TMEM63C: variants seen among roughly 807,000 people sequenced by gnomAD.
The protein encoded by TMEM63C is transmembrane protein 63C.
TMEM63C carries 32 observed loss-of-function variants against 99.2 expected under a neutral mutation model. That is an observed-to-expected ratio of 0.32 (90% confidence interval 0.24 to 0.43). TMEM63C has a LOEUF of 0.43. TMEM63C is among the 20% of genes least tolerant of loss of function. The pLI is 1.00. For missense variants in TMEM63C, 826 were observed against 1,053.0 expected (o/e 0.78, Z 2.98); for synonymous variants, 376 against 397.9 (o/e 0.94, Z 0.66).
rs138250979 is a variant in TMEM63C, at chr14:77,251,746, G to A, written c.2039-43G>A. On this transcript the variant is annotated intron_variant, in intron 21 of 23. Transcript: ENST00000298351. Reference sequence around the variant, plus strand: ...CATCTGCCAGTTGGGGTGGCATCTCGGCTGGCAGACTCCTGCCCATGACTT... The same window carrying A: ...CATCTGCCAGTTGGGGTGGCATCTCAGCTGGCAGACTCCTGCCCATGACTT... 5,058 of 1,541,440 alleles carry A rather than the reference G, an allele frequency of 3.3e-3. 13 individuals are homozygous for A. Among genetic ancestry groups the A allele is most frequent in the Non-Finnish European group, 4.1e-3 (4,605 of 1,114,114 alleles).
intron 1 of TMEM63C, among the ~76,000 whole-genome samples, chr14:77,188,277 T>C (rs1888037527): frequency 6.6e-6 from 1 of 152,224 alleles, no homozygotes; most frequent in African/African-American, 2.4e-5. Context: ...TCCTTTCACT[T>C]TTCAAGTGTT....
At position 77,242,973 on chromosome 14, in the gene TMEM63C, C is replaced by T; in HGVS notation, c.1258C>T (p.Leu420Phe). ...FIAINTFLFF[L>F]FFFLTTPAII... ...CGCAATCAACACCTTCCTCTTCTTC[C>T]TCTTCTTCTTTCTCACCACGCCTGC... The change falls in exon 15 of 24, where the codon CTC becomes TTC. Residue 420 changes from leucine (L) to phenylalanine (F), a missense_variant. Physicochemically the swap from Leu to Phe is conservative, Grantham distance 22 (BLOSUM62 0). Coordinates refer to ENST00000298351, the MANE Select transcript of TMEM63C (RefSeq NM_020431.4). The T allele has an allele frequency of 6.2e-7, 1 of 1,614,048 alleles. No individual in the cohort carries two copies. Among genetic ancestry groups the T allele is most frequent in the South Asian group, 1.1e-5 (1 of 91,086 alleles).
chr14:77,199,048 G>A (rs949839381), intron 1 of TMEM63C, among the ~76,000 whole-genome samples: 13 of 152,200 alleles, frequency 8.5e-5, no homozygotes, highest in African/African-American at 3.1e-4. Flanking sequence ...GATGATGTAT[G>A]TTAGAAGGAG....
chr14:77,183,058 C>T (rs1171151519), intron 1 of TMEM63C, among the ~76,000 whole-genome samples: 1 of 152,180 alleles, frequency 6.6e-6, no homozygotes, highest in Non-Finnish European at 1.5e-5. Context: ...AGTGAACTTT[C>T]CCCTTAGAAG....
intron 18 of TMEM63C, among the ~76,000 whole-genome samples, chr14:77,247,778 A>G (rs760295598): frequency 1.3e-5 from 2 of 150,540 alleles, no homozygotes; most frequent in Non-Finnish European, 3.0e-5. Flanking sequence ...CCTTCAAGGT[A>G]TTTTTTAGTA....
intron 19 of TMEM63C, 71 bp from the exon 20 acceptor site, chr14:77,248,696 T>A: frequency 6.5e-7 from 1 of 1,532,508 alleles, no homozygotes; most frequent in Non-Finnish European, 9.0e-7. Context: ...AGGAGGCTGA[T>A]GAGGAGCCAC....
chr14:77,242,364 A>T lies in TMEM63C; in HGVS notation c.1082A>T (p.Lys361Met), dbSNP rs1292196327. Residue 361 changes from lysine to methionine, a missense_variant, in exon 14 of 24, where the codon AAG becomes ATG. Coordinates refer to ENST00000298351, the MANE Select transcript of TMEM63C (RefSeq NM_020431.4). ...CTCTGCAGTGTCCGTAAGGATTACA[A>T]GTATGTCCAGTGTGGTGTGCAACCC... ...RMAKRVRKDY[K>M]YVQCGVQPQQ... is the part of the protein sequence containing the mutation. 1.2e-6 allele frequency: 2 copies of T among 1,613,632 alleles called. No individual in the cohort carries two copies. Among genetic ancestry groups the T allele is most frequent in the Non-Finnish European group, 8.5e-7 (1 of 1,179,810 alleles).
chr14:77,219,072 T>G (rs1385160145), intron 3 of TMEM63C, 109 bp downstream of exon 3: 8 of 1,232,798 alleles, frequency 6.5e-6, no homozygotes, highest in Admixed American at 3.2e-5. Context: ...ACAACAACAT[T>G]GATACAAACT....
intron 8 of TMEM63C, 31 bp from the exon 9 acceptor site, chr14:77,236,593 G>A (rs1386025128): frequency 6.6e-7 from 1 of 1,515,686 alleles, no homozygotes. Flanking sequence ...CTCACAGGCT[G>A]ACCTCACTGC....
At chr14:77,230,837 C>T (rs964944741) in intron 6 of TMEM63C, among the ~76,000 whole-genome samples, 3 of 152,164 alleles carry the variant, frequency 2.0e-5, no homozygotes, top group Non-Finnish European at 2.9e-5. Flanking sequence ...ATTTATATAT[C>T]ACAGTTCTTG....
chr14:77,244,485 G>C, intron 16 of TMEM63C, 30 bp downstream of exon 16: 2 of 1,576,572 alleles, frequency 1.3e-6, no homozygotes, highest in Non-Finnish European at 1.7e-6. Context: ...TCGTAGCCCT[G>C]TGGTTTCTCC....
rs58044615 is a variant in TMEM63C at position 77,245,934 on chromosome 14, T to C, written c.1449-6T>C. The C allele has an allele frequency of 6.3e-5, 102 of 1,611,982 alleles. No individual in the cohort carries two copies. Among genetic ancestry groups the C allele is most frequent in the East Asian group, 8.9e-5 (4 of 44,896 alleles). On this transcript the variant is annotated splice_region_variant and splice_polypyrimidine_tract_variant and intron_variant, in intron 16 of 23. Coordinates refer to ENST00000298351, the MANE Select transcript of TMEM63C (RefSeq NM_020431.4). ...CATTGATGAATATCTCTCTGTTTCCTTCTAGATCAAGTCAGAATCTGGTCA... is the reference window on the plus strand; with the variant it reads ...CATTGATGAATATCTCTCTGTTTCCCTCTAGATCAAGTCAGAATCTGGTCA...
intron 1 of TMEM63C, among the ~76,000 whole-genome samples, chr14:77,184,815 G>A (rs1887970657): frequency 6.6e-6 from 1 of 152,184 alleles, no homozygotes; most frequent in Non-Finnish European, 1.5e-5. Flanking sequence ...AGGGTTACAG[G>A]AGGAGCTGAG....
At position 77,243,204 on chromosome 14, in the gene TMEM63C, G is replaced by A. The variant is rs71413456; in HGVS notation, c.1341+148G>A. 6.2e-3 allele frequency: 6,002 copies of A among 975,190 alleles called. 29 individuals carry two copies. The highest frequency in any genetic ancestry group is 8.2e-3 in the Non-Finnish European group (5,516 of 675,724). The allele number at this position is 975,190 out of a possible 1,614,324, so 60.4% of individuals were successfully genotyped here. A position where few individuals can be genotyped will look rare whatever the true frequency, so the allele number is the denominator to read the frequency against. On this transcript the variant is annotated intron_variant, in intron 15 of 23. Transcript: ENST00000298351. Reference sequence around the variant, plus strand: ...TGGAGGTGGCCATGGTGCAAATGGCGGGGTAGGGCTTGCTTTGTTCTAAAG... The same window carrying A: ...TGGAGGTGGCCATGGTGCAAATGGCAGGGTAGGGCTTGCTTTGTTCTAAAG...
chr14:77,221,355 C>T (rs139545450), intron 5 of TMEM63C, among the ~76,000 whole-genome samples: 2 of 77,646 alleles, frequency 2.6e-5, no homozygotes, highest in Non-Finnish European at 4.6e-5. Flanking sequence ...CTCCCACTCA[C>T]GCCTCCCCTC....
In TMEM63C at chr14:77,220,023, A is replaced by G. The variant is rs1462427679; in HGVS notation, c.248A>G (p.Tyr83Cys). Residue 83 changes from tyrosine (Y) to cysteine (C), a missense_variant, in exon 5 of 24, where the codon TAT becomes TGT. By Grantham distance (194) the Tyr-to-Cys change is radical. Transcript: ENST00000298351. ...IHNDSLTSLIYGEQSEKTSPS... is the reference protein window; with the variant it reads ...IHNDSLTSLICGEQSEKTSPS... ...GCTGGCAGCCTGACCTCGCTGATCT[A>G]TGGGGAGCAGAGCGAGAAGACATCT... 8 of 1,560,232 alleles carry G rather than the reference A, an allele frequency of 5.1e-6. No homozygotes were observed. Among genetic ancestry groups the G allele is most frequent in the Middle Eastern group, 1.7e-4 (1 of 6,030 alleles).
At position 77,238,846 on chromosome 14, in the gene TMEM63C, T is replaced by C. The variant is rs1019323522; in HGVS notation, c.725+79T>C. The C allele has an allele frequency of 2.1e-5, 25 of 1,182,094 alleles. No individual in the cohort carries two copies. In the East Asian group the frequency reaches 5.9e-4, roughly 28 times the overall value. 73.2% of individuals were successfully genotyped at this position (1,182,094 alleles called of 1,614,324 possible). ...CCTGGGTCCTCAAGTGGGTAGTGAG[T>C]TGGTGCAGGATGGTGGGACTGGGAC... is the stretch of plus-strand genomic sequence containing the variant. On this transcript the variant is annotated intron_variant, in intron 10 of 23. Coordinates refer to ENST00000298351, the MANE Select transcript of TMEM63C (RefSeq NM_020431.4).
chr14:77,236,726 C>A lies in TMEM63C; in HGVS notation c.645C>A (p.Ser215Arg). ...GCCTGGGGTTTGCACCCAGGAATAG[C>A]CAAAAGGTAAGTAGCCTACAAAGCT... ...HHCLGFAPRN[S>R]QKVTRTLMIT... The change falls in exon 9 of 24, where the codon AGC (serine) becomes AGA (arginine). Residue 215 changes from serine to arginine, a missense_variant. Physicochemically the swap from Ser to Arg is moderately radical, Grantham distance 110 (BLOSUM62 -1). Coordinates refer to ENST00000298351, the MANE Select transcript of TMEM63C (RefSeq NM_020431.4). 1 of 1,608,898 alleles carries A rather than the reference C, an allele frequency of 6.2e-7. No homozygotes were observed. Among genetic ancestry groups the A allele is most frequent in the Non-Finnish European group, 8.5e-7 (1 of 1,176,020 alleles).
intron 8 of TMEM63C, among the ~76,000 whole-genome samples, chr14:77,233,944 T>A (rs2140120161): frequency 6.6e-6 from 1 of 152,220 alleles, no homozygotes; most frequent in South Asian, 2.1e-4. Context: ...TGCCATTAAC[T>A]GGCCCTAGGT....
Sources: allele counts gnomAD v4.1 joint callset (sites outside exome capture counted in the v4.1 genomes callset), GRCh38; gene constraint gnomAD v4.1.1; transcripts MANE v1.5; gene names NCBI Gene and HGNC (gene_info 2026-07-23, HGNC 2026-07-21).